Variants in XRCC4 observed in about 807,000 individuals in gnomAD.
The protein encoded by XRCC4 is X-ray repair cross complementing 4.
In XRCC4, 28 loss-of-function variants were observed where a neutral mutation model predicts 39.1. The ratio of observed to expected loss-of-function variants is 0.72; its 90% CI spans 0.53 to 0.98. The LOEUF (loss-of-function observed/expected upper bound fraction) is 0.98. Ranked by LOEUF, XRCC4 falls within the 50% of genes least tolerant of loss-of-function variation. The pLI is 0.00. For missense variants in XRCC4, 350 were observed against 376.4 expected, an observed-to-expected ratio of 0.93 and a Z score of 0.58; for synonymous variants, 123 against 126.4, an observed-to-expected ratio of 0.97 and a Z score of 0.18.
At chr5:83,158,275 A>G (rs1029818907) in intron 3 of XRCC4, among the ~76,000 whole-genome samples, 1 of 152,042 alleles carries the variant, frequency 6.6e-6, no homozygotes, top group African/African-American at 2.4e-5. Flanking sequence ...TCTAATAGTT[A>G]TTTTTCCATT....
intron 6 of XRCC4, among the ~76,000 whole-genome samples, chr5:83,253,419 G>T (rs1025029214): frequency 6.6e-6 from 1 of 151,952 alleles, no homozygotes; most frequent in Non-Finnish European, 1.5e-5. Flanking sequence ...GACACCTGAA[G>T]ATTAGAGCTT....
intron 6 of XRCC4, among the ~76,000 whole-genome samples, chr5:83,249,891 TC>T (rs1753244681): frequency 6.6e-6 from 1 of 152,186 alleles, no homozygotes; most frequent in African/African-American, 2.4e-5. Flanking sequence ...CTCTACCATT[TC>T]TTTTACAAAG....
At chr5:83,197,003 A>C (rs1335515338) in intron 4 of XRCC4, among the ~76,000 whole-genome samples, 1 of 151,734 alleles carries the variant, frequency 6.6e-6, no homozygotes, top group African/African-American at 2.4e-5. Context: ...AATGCAAAAC[A>C]TGTAAAATTA....
intron 7 of XRCC4, among the ~76,000 whole-genome samples, chr5:83,289,250 G>A (rs553650610): frequency 2.6e-5 from 4 of 151,874 alleles, no homozygotes; most frequent in African/African-American, 9.6e-5. Context: ...TTGAACATCT[G>A]TGTCATATTT....
intron 7 of XRCC4, among the ~76,000 whole-genome samples, chr5:83,269,704 A>G (rs925401003): frequency 1.3e-5 from 2 of 152,152 alleles, no homozygotes; most frequent in Admixed American, 1.3e-4. Flanking sequence ...GAAGTAATAA[A>G]TAGGCCTTTT....
At chr5:83,206,270 T>C (rs932070937) in intron 6 of XRCC4, among the ~76,000 whole-genome samples, 1 of 151,784 alleles carries the variant, frequency 6.6e-6, no homozygotes, top group African/African-American at 2.4e-5. Context: ...AACAATTCGG[T>C]GAAGGATGAG....
intron 3 of XRCC4, among the ~76,000 whole-genome samples, chr5:83,187,007 G>A (rs1323462741): frequency 2.3e-5 from 1 of 44,066 alleles, no homozygotes; most frequent in African/African-American, 1.1e-4. Context: ...GCAGTGGCGC[G>A]ACCTCGGCTC....
At chr5:83,130,983 G>T (rs908524439) in intron 3 of XRCC4, among the ~76,000 whole-genome samples, 1 of 152,008 alleles carries the variant, frequency 6.6e-6, no homozygotes, top group African/African-American at 2.4e-5. Context: ...ATTCTGCTCT[G>T]ATCCTAGTTG....
chr5:83,210,977 TG>T (rs1261950843), intron 6 of XRCC4, among the ~76,000 whole-genome samples: 2 of 152,182 alleles, frequency 1.3e-5, no homozygotes, highest in Admixed American at 6.5e-5. Context: ...TTTATATGTT[TG>T]GGGGGAGACA....
chr5:83,228,045 A>G (rs1279398515), intron 6 of XRCC4, among the ~76,000 whole-genome samples: 1 of 152,084 alleles, frequency 6.6e-6, no homozygotes, highest in Non-Finnish European at 1.5e-5. Flanking sequence ...AGTAAAACCA[A>G]GGGTAATTCC....
At chr5:83,166,577 C>T (rs1384609163) in intron 3 of XRCC4, among the ~76,000 whole-genome samples, 1 of 151,834 alleles carries the variant, frequency 6.6e-6, no homozygotes, top group Non-Finnish European at 1.5e-5. Flanking sequence ...GATTCTCAGG[C>T]CTCAGCCTCC....
intron 2 of XRCC4, among the ~76,000 whole-genome samples, chr5:83,106,763 T>C (rs1227566407): frequency 1.3e-5 from 2 of 151,964 alleles, no homozygotes; most frequent in Non-Finnish European, 2.9e-5. Flanking sequence ...ACACATTTGG[T>C]TTGTCAACAC....
At chr5:83,316,539 C>A (rs1264082249) in intron 7 of XRCC4, among the ~76,000 whole-genome samples, 1 of 150,852 alleles carries the variant, frequency 6.6e-6, no homozygotes, top group Non-Finnish European at 1.5e-5. Context: ...CAAAAAAAGG[C>A]AGGGGTTGCA....
At chr5:83,252,623 T>A (rs1201894186) in intron 6 of XRCC4, among the ~76,000 whole-genome samples, 1 of 152,174 alleles carries the variant, frequency 6.6e-6, no homozygotes, top group African/African-American at 2.4e-5. Flanking sequence ...TACATTGATT[T>A]ATAATCAATT....
At chr5:83,103,258 A>C (rs1292413725) in intron 1 of XRCC4, among the ~76,000 whole-genome samples, 1 of 151,978 alleles carries the variant, frequency 6.6e-6, no homozygotes, top group African/African-American at 2.4e-5. Context: ...TGTTTGTTCA[A>C]GTAATGAAGT....
intron 7 of XRCC4, among the ~76,000 whole-genome samples, chr5:83,295,334 A>G (rs896042480): frequency 2.6e-5 from 4 of 152,228 alleles, no homozygotes; most frequent in African/African-American, 9.6e-5. Flanking sequence ...AATCTACCTT[A>G]CATATCTGTC....
intron 1 of XRCC4, among the ~76,000 whole-genome samples, chr5:83,101,677 GCAGACTATA>G (rs1439265304): frequency 6.6e-6 from 1 of 151,988 alleles, no homozygotes; most frequent in Non-Finnish European, 1.5e-5. Context: ...GTTTCTAATG[GCAGACTATA>G]CAGGTCTATG....
chr5:83,123,291 C>G (rs886142951), intron 3 of XRCC4, among the ~76,000 whole-genome samples: 3 of 152,028 alleles, frequency 2.0e-5, no homozygotes, highest in African/African-American at 4.8e-5. Context: ...TGAAATGACC[C>G]TCTAATTCTA....
At chr5:83,326,688 A>G (rs1756273520) in intron 7 of XRCC4, among the ~76,000 whole-genome samples, 1 of 152,048 alleles carries the variant, frequency 6.6e-6, no homozygotes, top group Non-Finnish European at 1.5e-5. Context: ...ATGTACAGTT[A>G]CATTTCTTGT....
Sources: gnomAD v4.1 joint callset for allele counts (sites outside exome capture counted in the v4.1 genomes callset) on GRCh38, gnomAD v4.1.1 for gene constraint, MANE v1.5 for transcripts, NCBI Gene and HGNC (gene_info 2026-07-23, HGNC 2026-07-21) for gene names.